XIRP2: variants seen among roughly 807,000 people sequenced by gnomAD.
XIRP2 encodes the protein xin actin binding repeat containing 2.
A neutral mutation model predicts 277.0 loss-of-function variants in XIRP2; 236 were observed. The observed-to-expected ratio is 0.85, with a 90% CI of 0.77 to 0.95. The LOEUF (loss-of-function observed/expected upper bound fraction) is 0.95, where lower values mean the gene tolerates loss of function less well. Ranked by LOEUF, XIRP2 falls within the 40% of genes least tolerant of loss-of-function variation. XIRP2 has a pLI of 0.00. For synonymous variants in XIRP2, 1,490 were observed against 1,416.5 expected, an observed-to-expected ratio of 1.05 and a Z score of -1.17; for missense variants, 4,640 against 4,157.5, an observed-to-expected ratio of 1.12 and a Z score of -3.19.
chr2:167,103,074 G>A (rs958634429), intron 2 of XIRP2, among the ~76,000 whole-genome samples: 3 of 152,070 alleles, frequency 2.0e-5, no homozygotes, highest in African/African-American at 7.2e-5. Context: ...GGGAGGTTGA[G>A]ACTACAGTCA....
intron 2 of XIRP2, among the ~76,000 whole-genome samples, chr2:166,933,044 T>C (rs895443997): frequency 2.6e-5 from 4 of 151,800 alleles, no homozygotes; most frequent in Admixed American, 2.6e-4. Flanking sequence ...TGCATTTAAC[T>C]TTATAAAATT....
chr2:166,994,444 A>C (rs1193173402), intron 2 of XIRP2, among the ~76,000 whole-genome samples: 7 of 134,760 alleles, frequency 5.2e-5, no homozygotes, highest in East Asian at 2.8e-4. Context: ...AACCTGCACA[A>C]TGTGCACATG....
intron 2 of XIRP2, among the ~76,000 whole-genome samples, chr2:167,087,816 C>T (rs942552736): frequency 2.0e-5 from 3 of 151,890 alleles, no homozygotes; most frequent in African/African-American, 4.9e-5. Context: ...ACGGTGCGTG[C>T]ACCCACTGAC....
At chr2:166,888,681 C>T (rs1043971987) in intron 1 of XIRP2, 124 bp downstream of exon 1, 1 of 152,186 alleles carries the variant, frequency 6.6e-6, no homozygotes, top group Non-Finnish European at 1.5e-5. Flanking sequence ...AAGTAATATA[C>T]ATTAAATTAG....
At chr2:167,226,575 G>A (rs1315913845) in intron 5 of XIRP2, among the ~76,000 whole-genome samples, 3 of 152,154 alleles carry the variant, frequency 2.0e-5, no homozygotes, top group Non-Finnish European at 2.9e-5. Flanking sequence ...CAAGATGAAA[G>A]ATAGAAAAGC....
intron 3 of XIRP2, among the ~76,000 whole-genome samples, chr2:167,177,055 T>C (rs1692867917): frequency 6.6e-6 from 1 of 152,152 alleles, no homozygotes; most frequent in African/African-American, 2.4e-5. Context: ...TGGGAGACAG[T>C]TGGTGGGCAG....
intron 2 of XIRP2, among the ~76,000 whole-genome samples, chr2:167,126,395 GA>G (rs923579482): frequency 6.6e-6 from 1 of 152,100 alleles, no homozygotes; most frequent in Admixed American, 6.6e-5. Context: ...AAGTTCCCAC[GA>G]GATGAATGTT....
intron 2 of XIRP2, among the ~76,000 whole-genome samples, chr2:166,948,074 T>C (rs867092662): frequency 6.6e-5 from 10 of 152,158 alleles, no homozygotes; most frequent in Middle Eastern, 3.4e-3. Flanking sequence ...AGAGGATGAA[T>C]AGAAGTAGCA....
chr2:167,139,774 T>G (rs1691657058), intron 3 of XIRP2, among the ~76,000 whole-genome samples: 1 of 152,200 alleles, frequency 6.6e-6, no homozygotes, highest in Non-Finnish European at 1.5e-5. Flanking sequence ...ATAATAGAAG[T>G]GTCCTATATC....
intron 1 of XIRP2, among the ~76,000 whole-genome samples, chr2:166,889,202 C>T (rs1205162752): frequency 1.3e-5 from 2 of 152,190 alleles, no homozygotes; most frequent in Non-Finnish European, 2.9e-5. Context: ...ACTTCTTAGG[C>T]ACTCCAACAA....
chr2:167,118,065 T>C (rs1440969376), intron 2 of XIRP2, among the ~76,000 whole-genome samples: 4 of 152,188 alleles, frequency 2.6e-5, no homozygotes, highest in Non-Finnish European at 5.9e-5. Context: ...TTCTATGTTT[T>C]TTCCCCCACC....
intron 4 of XIRP2, among the ~76,000 whole-genome samples, chr2:167,214,226 G>A (rs142943177): frequency 0.022 from 1,452 of 66,908 alleles, 43 homozygotes; most frequent in East Asian, 0.049. Flanking sequence ...GGGAGGGAGG[G>A]AGGAAGGAAG....
rs1304981269 is a variant in XIRP2, at chr2:166,938,517, A to G, written c.408+34627A>G. The stretch of plus-strand genomic sequence containing the variant: ...GCTGAGGAGTGCTTTACTTCCAACT[A>G]TGTGGTCAATTTTGGAATAAGTGTG... On this transcript the variant is annotated intron_variant, in intron 2 of 10. Transcript: ENST00000409195. 7.2e-5 allele frequency among the ~76,000 whole-genome samples: 11 copies of G among 152,292 alleles called. No individual in the cohort carries two copies. The South Asian group carries it at 1.7e-3, about 23-fold the overall frequency.
chr2:167,195,168 G>A (rs1693463863), intron 3 of XIRP2, among the ~76,000 whole-genome samples: 1 of 152,146 alleles, frequency 6.6e-6, no homozygotes, highest in Non-Finnish European at 1.5e-5. Flanking sequence ...TGGAGTTGTA[G>A]AAAGCTACTA....
At chr2:166,981,516 G>T (rs780553890) in intron 2 of XIRP2, among the ~76,000 whole-genome samples, 1 of 151,896 alleles carries the variant, frequency 6.6e-6, no homozygotes, top group Non-Finnish European at 1.5e-5. Context: ...CCACCTCCCG[G>T]GTTCAAGCAA....
chr2:167,120,958 C>A (rs1691039631), intron 2 of XIRP2, among the ~76,000 whole-genome samples: 1 of 151,924 alleles, frequency 6.6e-6, no homozygotes, highest in Admixed American at 6.6e-5. Flanking sequence ...GGGTAGCTAC[C>A]ATGTATTGAA....
chr2:167,200,409 G>A (rs1179488270), intron 3 of XIRP2, among the ~76,000 whole-genome samples: 2 of 152,180 alleles, frequency 1.3e-5, no homozygotes, highest in Non-Finnish European at 2.9e-5. Context: ...AAAAAACATA[G>A]AGCAGGAAAA....
chr2:167,078,194 C>T (rs1292552341), intron 2 of XIRP2, among the ~76,000 whole-genome samples: 1 of 152,142 alleles, frequency 6.6e-6, no homozygotes, highest in Non-Finnish European at 1.5e-5. Flanking sequence ...CTTTCACCTC[C>T]TCAGTTAGAT....
At chr2:167,148,337 G>A (rs917994225) in intron 3 of XIRP2, among the ~76,000 whole-genome samples, 5 of 150,734 alleles carry the variant, frequency 3.3e-5, no homozygotes, top group African/African-American at 9.8e-5. Context: ...AGCCGAGATC[G>A]CACCATTGCA....
Sources: allele counts gnomAD v4.1 joint callset (sites outside exome capture counted in the v4.1 genomes callset), GRCh38; gene constraint gnomAD v4.1.1; transcripts MANE v1.5; gene names NCBI Gene and HGNC (gene_info 2026-07-23, HGNC 2026-07-21).